The following DDR2 variants were observed in gnomAD, a reference collection of about 807,000 sequenced individuals.
DDR2 encodes the protein discoidin domain-containing receptor 2.
Under a neutral mutation model 94.9 loss-of-function variants are expected in DDR2, and 27 were observed. The observed-to-expected ratio is 0.28, with a 90% CI of 0.21 to 0.39. DDR2 has a LOEUF of 0.39. DDR2 is among the 10% of genes least tolerant of loss of function. The probability of loss-of-function intolerance (pLI) is 1.00; values close to 1 mark genes in which losing one functional copy is unlikely to be tolerated. For missense variants in DDR2, 783 were observed against 1,076.0 expected (o/e 0.73, Z 3.81); for synonymous variants, 382 against 377.2 (o/e 1.01, Z -0.15).
Position 162,772,226 on chromosome 1 carries a change from G to T in DDR2, c.1707G>T (p.Leu569=). 1 of 1,614,192 alleles carries T rather than the reference G, an allele frequency of 6.2e-7. No individual in the cohort carries two copies. Among genetic ancestry groups the T allele is most frequent in the South Asian group, 1.1e-5 (1 of 91,072 alleles). The change falls in exon 13 of 18, where the codon CTG becomes CTT. Residue 569 remains leucine, a synonymous_variant. Coordinates refer to ENST00000367921, the MANE Select transcript of DDR2 (RefSeq NM_006182.4). Reference sequence around the variant, plus strand: ...AACTCCTAACTTTCAAAGAGAAGCTGGGAGAAGGACAGTTTGGGGAGGTGA... The same window carrying T: ...AACTCCTAACTTTCAAAGAGAAGCTTGGAGAAGGACAGTTTGGGGAGGTGA... The part of the protein sequence containing the change: ...PRKLLTFKEK[L]GEGQFGEVHL...
rs1031466008 is a variant in DDR2 at position 162,776,140 on chromosome 1, A to G, written c.2053A>G (p.Thr685Ala). Reference sequence around the variant, plus strand: ...TCTTCTTGTCTATTTCCTCAGTTACACCAATCTGAAGTTTATGGCTACCCA... The same window carrying G: ...TCTTCTTGTCTATTTCCTCAGTTACGCCAATCTGAAGTTTATGGCTACCCA... Reference protein sequence around the residue: ...SSSDVRTVSYTNLKFMATQIA... With the variant: ...SSSDVRTVSYANLKFMATQIA... The change falls in exon 16 of 18, where the codon ACC becomes GCC. Residue 685 changes from threonine to alanine, a missense_variant. Physicochemically the swap from Thr to Ala is moderately conservative, Grantham distance 58. Coordinates refer to ENST00000367921, the MANE Select transcript of DDR2 (RefSeq NM_006182.4). The G allele has an allele frequency of 1.2e-6, 2 of 1,612,818 alleles. No homozygotes were observed. Among genetic ancestry groups the G allele is most frequent in the Non-Finnish European group, 1.7e-6 (2 of 1,179,136 alleles).
At position 162,663,282 on chromosome 1, in the gene DDR2, C is replaced by T. The variant is rs1261877040; in HGVS notation, c.-28+7908C>T. The stretch of plus-strand genomic sequence containing the variant: ...GGCAGTCAAATATGCAGGGCTGACT[C>T]ATTTCACTTTTCATGTGTCTGTTTT... On this transcript the variant is annotated intron_variant, in intron 2 of 17. Coordinates refer to ENST00000367921, the MANE Select transcript of DDR2 (RefSeq NM_006182.4). 2.6e-5 allele frequency among the ~76,000 whole-genome samples: 4 copies of T among 152,132 alleles called. No homozygotes were observed. The East Asian group carries it at 5.8e-4, about 22-fold the overall frequency.
At chr1:162,769,983 T>G (rs1170647871) in intron 11 of DDR2, among the ~76,000 whole-genome samples, 1 of 152,052 alleles carries the variant, frequency 6.6e-6, no homozygotes, top group Non-Finnish European at 1.5e-5. Flanking sequence ...CATAGAAAAC[T>G]CTATAAGATT....
chr1:162,714,651 A>G (rs1279792471), intron 2 of DDR2, among the ~76,000 whole-genome samples: 1 of 152,162 alleles, frequency 6.6e-6, no homozygotes, highest in Non-Finnish European at 1.5e-5. Flanking sequence ...AACAGCTCTC[A>G]TTCCCTTTCT....
intron 2 of DDR2, among the ~76,000 whole-genome samples, chr1:162,704,120 C>T (rs545329862): frequency 4.1e-4 from 63 of 152,304 alleles, no homozygotes; most frequent in African/African-American, 1.5e-3. Context: ...GCCCATGTGT[C>T]TTTGCTATCA....
chr1:162,730,088 C>CATTTAGTCACATTTAGTCAA (rs1301041320), intron 3 of DDR2, among the ~76,000 whole-genome samples: 1 of 147,738 alleles, frequency 6.8e-6, no homozygotes. Flanking sequence ...TAAATGATGC[C>CATTTAGTCACATTTAGTCAA]ATGTGAGACT....
Position 162,783,541 on chromosome 1 carries a change from T to C in DDR2, c.*3295T>C, listed in dbSNP as rs1396728344. The C allele has an allele frequency of 6.6e-6, 1 of 152,102 alleles. No individual in the cohort carries two copies. Among genetic ancestry groups the C allele is most frequent in the Non-Finnish European group, 1.5e-5 (1 of 68,026 alleles). 9.4% of individuals were successfully genotyped at this position (152,102 alleles called of 1,614,324 possible). ...CGAGCAAGGTAGAAACAGGAGTAGCTAGAGCCATTGGGAATCCATTTTGAA... is the reference window on the plus strand; with the variant it reads ...CGAGCAAGGTAGAAACAGGAGTAGCCAGAGCCATTGGGAATCCATTTTGAA... On this transcript the variant is annotated 3_prime_UTR_variant, in exon 18 of 18. Coordinates refer to ENST00000367921, the MANE Select transcript of DDR2 (RefSeq NM_006182.4).
At chr1:162,633,774 T>C (rs935902376) in intron 1 of DDR2, among the ~76,000 whole-genome samples, 1 of 152,236 alleles carries the variant, frequency 6.6e-6, no homozygotes, top group African/African-American at 2.4e-5. Context: ...TCTATGGTTA[T>C]ATTTGTGTGT....
At chr1:162,703,088 G>A (rs558089851) in intron 2 of DDR2, among the ~76,000 whole-genome samples, 210 of 152,272 alleles carry the variant, frequency 1.4e-3, no homozygotes, top group Middle Eastern at 3.4e-3. Context: ...GAGTGATAAA[G>A]CATAAAATAT....
At chr1:162,735,278 T>G (rs924647817) in intron 3 of DDR2, among the ~76,000 whole-genome samples, 1 of 152,186 alleles carries the variant, frequency 6.6e-6, no homozygotes, top group Non-Finnish European at 1.5e-5. Flanking sequence ...ACCCTCTGTA[T>G]GCTGGAAGAG....
intron 12 of DDR2, among the ~76,000 whole-genome samples, chr1:162,771,653 C>T (rs1292148901): frequency 6.6e-6 from 1 of 152,066 alleles, no homozygotes; most frequent in Non-Finnish European, 1.5e-5. Context: ...TACCTAAAAT[C>T]AGTTTTTAAG....
intron 3 of DDR2, among the ~76,000 whole-genome samples, chr1:162,721,803 A>C (rs1661434821): frequency 6.6e-6 from 1 of 152,252 alleles, no homozygotes; most frequent in Non-Finnish European, 1.5e-5. Flanking sequence ...AGCAAATCCA[A>C]TATGCAACCA....
chr1:162,763,899 A>G (rs115504986), intron 9 of DDR2, among the ~76,000 whole-genome samples: 1,552 of 152,338 alleles, frequency 0.01, 11 homozygotes, highest in Non-Finnish European at 0.015. Flanking sequence ...TTTCCTAACA[A>G]TGTTAACAGC....
chr1:162,695,655 CTGTGCCAA>C (rs2101984609), intron 2 of DDR2, among the ~76,000 whole-genome samples: 1 of 152,304 alleles, frequency 6.6e-6, no homozygotes, highest in African/African-American at 2.4e-5. Flanking sequence ...ATGTGGAGCA[CTGTGCCAA>C]TGTCTTTCAA....
chr1:162,647,223 C>T (rs1462883827), intron 1 of DDR2, among the ~76,000 whole-genome samples: 1 of 152,138 alleles, frequency 6.6e-6, no homozygotes, highest in African/African-American at 2.4e-5. Flanking sequence ...TCCTGACCAT[C>T]CAGGATGAGA....
intron 1 of DDR2, among the ~76,000 whole-genome samples, chr1:162,653,538 G>A (rs922198905): frequency 2.6e-5 from 4 of 151,392 alleles, no homozygotes; most frequent in Non-Finnish European, 2.9e-5. Context: ...ATCATGGATC[G>A]TGCCACTGCA....
intron 2 of DDR2, among the ~76,000 whole-genome samples, chr1:162,693,407 G>A (rs1239583245): frequency 2.6e-5 from 4 of 152,180 alleles, no homozygotes; most frequent in Non-Finnish European, 5.9e-5. Flanking sequence ...AACCGCCTTT[G>A]TGTTTTTCTT....
chr1:162,782,817 A>G lies in DDR2; in HGVS notation c.*2571A>G, dbSNP rs1647977004. ...TTCCTGGCCTTGAGTCACAGAAGTA[A>G]TATGTTTCAGATGGCTGCCCAATAT... On this transcript the variant is annotated 3_prime_UTR_variant, in exon 18 of 18. Coordinates refer to ENST00000367921, the MANE Select transcript of DDR2 (RefSeq NM_006182.4). 2 of 152,108 alleles carry G rather than the reference A, an allele frequency of 1.3e-5. No individual in the cohort carries two copies. Among genetic ancestry groups the G allele is most frequent in the African/African-American group, 2.4e-5 (1 of 41,406 alleles). 9.4% of individuals were successfully genotyped at this position (152,108 alleles called of 1,614,324 possible).
chr1:162,668,115 A>C (rs185779586), intron 2 of DDR2, among the ~76,000 whole-genome samples: 1 of 152,220 alleles, frequency 6.6e-6, no homozygotes, highest in Non-Finnish European at 1.5e-5. Context: ...GATGCCAAAA[A>C]CTCAGCTATC....
Sources: allele counts gnomAD v4.1 joint callset (sites outside exome capture counted in the v4.1 genomes callset), GRCh38; gene constraint gnomAD v4.1.1; transcripts MANE v1.5; gene names NCBI Gene and HGNC (gene_info 2026-07-23, HGNC 2026-07-21).